The following DENND1A variants were observed in gnomAD, a reference collection of about 807,000 sequenced individuals.
The protein encoded by DENND1A is DENN domain containing 1A.
A neutral mutation model predicts 113.7 loss-of-function variants in DENND1A; 51 were observed. The observed-to-expected ratio is 0.45, with a 90% CI of 0.36 to 0.57. The LOEUF is 0.57. DENND1A is among the 20% of genes least tolerant of loss of function. DENND1A has a pLI of 0.00. For missense variants in DENND1A, 1,258 were observed against 1,395.9 expected (o/e 0.90, Z 1.57); for synonymous variants, 565 against 570.8 (o/e 0.99, Z 0.14).
chr9:123,462,113 T>C (rs1191072907), intron 13 of DENND1A: 1 of 152,218 alleles, frequency 6.6e-6, no homozygotes, highest in Non-Finnish European at 1.5e-5. Context: ...GGCAGTGACG[T>C]TGTCACCCAG....
At chr9:123,528,150 G>A (rs1374529871) in intron 13 of DENND1A, among the ~76,000 whole-genome samples, 2 of 152,176 alleles carry the variant, frequency 1.3e-5, no homozygotes, top group Non-Finnish European at 2.9e-5. Flanking sequence ...ATGAAAGAAA[G>A]CTAAAGGCAG....
intron 13 of DENND1A, among the ~76,000 whole-genome samples, chr9:123,534,692 ACT>A (rs1201172361): frequency 1.3e-5 from 2 of 152,222 alleles, no homozygotes; most frequent in African/African-American, 4.8e-5. Context: ...AAAACAAAAC[ACT>A]GTCTTGGTCT....
intron 5 of DENND1A, among the ~76,000 whole-genome samples, chr9:123,684,821 G>A (rs2064706695): frequency 6.6e-6 from 1 of 152,178 alleles, no homozygotes; most frequent in Non-Finnish European, 1.5e-5. Context: ...GTACATGGGG[G>A]AATAAGGCCC....
chr9:123,784,392 A>C (rs1453007454), intron 3 of DENND1A, among the ~76,000 whole-genome samples: 1 of 152,186 alleles, frequency 6.6e-6, no homozygotes, highest in South Asian at 2.1e-4. Context: ...CATGTGAGAG[A>C]AGCTTTGAGT....
chr9:123,660,930 G>T (rs1027288752), intron 8 of DENND1A, among the ~76,000 whole-genome samples: 1 of 152,238 alleles, frequency 6.6e-6, no homozygotes, highest in Non-Finnish European at 1.5e-5. Flanking sequence ...AGCTGGAGGG[G>T]AATGTGCTAC....
intron 18 of DENND1A, among the ~76,000 whole-genome samples, chr9:123,442,431 G>A (rs1264587769): frequency 6.6e-6 from 1 of 152,096 alleles, no homozygotes; most frequent in Non-Finnish European, 1.5e-5. Context: ...AGATGGGGAG[G>A]GGTTCCATCT....
intron 12 of DENND1A, among the ~76,000 whole-genome samples, chr9:123,575,258 A>G (rs1286432789): frequency 1.3e-5 from 2 of 152,182 alleles, no homozygotes; most frequent in African/African-American, 2.4e-5. Flanking sequence ...TCCCTTGCAT[A>G]CAAAGTTCAC....
chr9:123,552,025 GAGAGAGAGAGAGAC>G (rs1359043506), intron 13 of DENND1A, among the ~76,000 whole-genome samples: 5 of 142,804 alleles, frequency 3.5e-5, no homozygotes, highest in Non-Finnish European at 7.5e-5. Context: ...GAGCGAGAGA[GAGAGAGAGAGAGAC>G]AGAGAGAGAG....
intron 12 of DENND1A, among the ~76,000 whole-genome samples, chr9:123,558,588 G>C (rs1046856975): frequency 1.3e-5 from 2 of 152,194 alleles, no homozygotes; most frequent in Non-Finnish European, 2.9e-5. Flanking sequence ...AAGGTTGTGA[G>C]ACTCCACAGG....
chr9:123,787,963 C>T (rs1564271777), intron 3 of DENND1A, among the ~76,000 whole-genome samples: 2 of 152,048 alleles, frequency 1.3e-5, no homozygotes, highest in African/African-American at 4.8e-5. Context: ...GAAAAATTAC[C>T]TGCAACTCTA....
At chr9:123,732,381 C>T (rs1033325231) in intron 5 of DENND1A, among the ~76,000 whole-genome samples, 3 of 152,222 alleles carry the variant, frequency 2.0e-5, no homozygotes, top group Non-Finnish European at 2.9e-5. Context: ...CACAGATACA[C>T]ACACCAACAT....
chr9:123,570,578 C>A lies in DENND1A; in HGVS notation c.867+12591G>T, dbSNP rs549662860. ...CTGCATTAGCTTTTCTACTAACCAG[C>A]CTGGGACCTCACTGAGAATAAAGGT... On this transcript the variant is annotated intron_variant, in intron 12 of 23. Coordinates refer to ENST00000394215, the MANE Select transcript of DENND1A (RefSeq NM_001352964.2). Among the ~76,000 whole-genome samples, 13 of 152,250 alleles carry A rather than the reference C, an allele frequency of 8.5e-5. No individual in the cohort carries two copies. In the South Asian group the frequency reaches 2.7e-3, roughly 32 times the overall value.
intron 13 of DENND1A, among the ~76,000 whole-genome samples, chr9:123,504,101 C>T (rs2052714119): frequency 6.6e-6 from 1 of 152,172 alleles, no homozygotes; most frequent in Non-Finnish European, 1.5e-5. Context: ...CTTTCTCAGC[C>T]CACTTCCATG....
At chr9:123,701,945 AC>A (rs1313539210) in intron 5 of DENND1A, among the ~76,000 whole-genome samples, 1 of 152,220 alleles carries the variant, frequency 6.6e-6, no homozygotes, top group Non-Finnish European at 1.5e-5. Flanking sequence ...TTGTCACTAA[AC>A]AGACAAAATG....
intron 13 of DENND1A, among the ~76,000 whole-genome samples, chr9:123,525,326 C>G (rs1367673086): frequency 1.3e-5 from 2 of 152,178 alleles, no homozygotes; most frequent in African/African-American, 4.8e-5. Context: ...TAAATTTACT[C>G]TTGTTGGGGG....
chr9:123,913,113 TAA>T (rs915063969), intron 1 of DENND1A, among the ~76,000 whole-genome samples: 55 of 86,722 alleles, frequency 6.3e-4, no homozygotes, highest in African/African-American at 1.6e-3. Context: ...AAAGACAGTT[TAA>T]AAAAAAAAAA....
At chr9:123,438,190 C>A (rs4240478) in intron 19 of DENND1A, among the ~76,000 whole-genome samples, 1 of 152,042 alleles carries the variant, frequency 6.6e-6, no homozygotes, top group East Asian at 1.9e-4. Flanking sequence ...TTACGGTCAA[C>A]AGCCCATCAA....
intron 1 of DENND1A, among the ~76,000 whole-genome samples, chr9:123,921,659 A>G (rs1856276277): frequency 6.6e-6 from 1 of 152,226 alleles, no homozygotes; most frequent in Non-Finnish European, 1.5e-5. Context: ...CATTCAATAA[A>G]GCACACACAT....
chr9:123,457,758 G>A, intron 14 of DENND1A, 35 bp downstream of exon 14: 1 of 1,568,942 alleles, frequency 6.4e-7, no homozygotes, highest in East Asian at 2.4e-5. Flanking sequence ...CCCCGCCAGG[G>A]AGCCAGACCC....
Sources: gnomAD v4.1 joint callset for allele counts (sites outside exome capture counted in the v4.1 genomes callset) on GRCh38, gnomAD v4.1.1 for gene constraint, MANE v1.5 for transcripts, NCBI Gene and HGNC (gene_info 2026-07-23, HGNC 2026-07-21) for gene names.